The following ARHGAP6 variants were observed in gnomAD, a reference collection of about 807,000 sequenced individuals.
ARHGAP6 encodes the protein rho GTPase-activating protein 6.
A neutral mutation model predicts 55.7 loss-of-function variants in ARHGAP6; 16 were observed. The ratio of observed to expected loss-of-function variants is 0.29; its 90% CI spans 0.19 to 0.44. The LOEUF (loss-of-function observed/expected upper bound fraction) is 0.44. Among genes scored for constraint, ARHGAP6 ranks in the 20% least tolerant of loss-of-function variants. The probability of loss-of-function intolerance (pLI) is 1.00; values close to 1 mark genes in which losing one functional copy is unlikely to be tolerated. For missense variants in ARHGAP6, 698 were observed against 808.9 expected (o/e 0.86, Z 1.66); for synonymous variants, 382 against 360.9 (o/e 1.06, Z -0.66).
intron 1 of ARHGAP6, among the ~76,000 whole-genome samples, chrX:11,395,733 G>C (rs984138878): frequency 8.9e-6 from 1 of 112,318 alleles, no homozygotes; most frequent in Non-Finnish European, 1.9e-5. Flanking sequence ...AGCAAAGAGA[G>C]AAGGTGACTG....
intron 1 of ARHGAP6, among the ~76,000 whole-genome samples, chrX:11,458,697 A>C (rs2050216309): frequency 8.9e-6 from 1 of 112,139 alleles, no homozygotes; most frequent in Admixed American, 9.5e-5. Context: ...TCTTTTATTT[A>C]GCATGTATTT....
At chrX:11,555,623 T>C (rs1437721496) in intron 1 of ARHGAP6, among the ~76,000 whole-genome samples, 2 of 110,495 alleles carry the variant, frequency 1.8e-5, no homozygotes, top group Non-Finnish European at 3.8e-5. Flanking sequence ...GGAGTGGTGG[T>C]GGGCCCCCAG....
At chrX:11,357,600 C>CT (rs2048947623) in intron 1 of ARHGAP6, among the ~76,000 whole-genome samples, 1 of 111,331 alleles carries the variant, frequency 9.0e-6, no homozygotes, top group African/African-American at 3.3e-5. Flanking sequence ...AGATGTAGTA[C>CT]TTTTTTCTCC....
At chrX:11,238,254 C>A (rs902135361) in intron 2 of ARHGAP6, among the ~76,000 whole-genome samples, 1 of 112,526 alleles carries the variant, frequency 8.9e-6, no homozygotes, top group Non-Finnish European at 1.9e-5. Context: ...GACTTTGGGA[C>A]ACAATAGCAA....
intron 1 of ARHGAP6, among the ~76,000 whole-genome samples, chrX:11,500,971 AG>A (rs1459523691): frequency 9.0e-6 from 1 of 110,655 alleles, no homozygotes. Flanking sequence ...GTTGTTGGCA[AG>A]GTTTTGAAAC....
At chrX:11,515,269 A>G (rs1453022711) in intron 1 of ARHGAP6, among the ~76,000 whole-genome samples, 1 of 112,472 alleles carries the variant, frequency 8.9e-6, no homozygotes, top group Non-Finnish European at 1.9e-5. Flanking sequence ...CTTGGAAAGT[A>G]AAAGTATATA....
chrX:11,196,078 G>A (rs1393111703), intron 3 of ARHGAP6, among the ~76,000 whole-genome samples: 1 of 107,641 alleles, frequency 9.3e-6, no homozygotes, highest in African/African-American at 3.4e-5. Context: ...ACGTTGCAGT[G>A]AGCCAAGATC....
At chrX:11,523,024 A>C (rs1389977911) in intron 1 of ARHGAP6, among the ~76,000 whole-genome samples, 2 of 111,770 alleles carry the variant, frequency 1.8e-5, no homozygotes, top group Admixed American at 9.6e-5. Flanking sequence ...CACATCAAGA[A>C]GCTTCTCCAC....
intron 1 of ARHGAP6, among the ~76,000 whole-genome samples, chrX:11,327,017 G>T (rs1327957755): frequency 9.0e-6 from 1 of 111,563 alleles, no homozygotes; most frequent in Non-Finnish European, 1.9e-5. Flanking sequence ...AAATACAAAT[G>T]ACTTTATAAT....
intron 1 of ARHGAP6, among the ~76,000 whole-genome samples, chrX:11,401,730 C>T (rs762522597): frequency 9.0e-5 from 10 of 111,698 alleles, no homozygotes; most frequent in East Asian, 2.8e-4. Context: ...AGGATACTTA[C>T]GACCTGAACA....
At chrX:11,589,300 C>A (rs755682496) in intron 1 of ARHGAP6, among the ~76,000 whole-genome samples, 1 of 109,213 alleles carries the variant, frequency 9.2e-6, no homozygotes, top group African/African-American at 3.3e-5. Flanking sequence ...CCTCGGCCTC[C>A]CAAAGTGCTA....
At chrX:11,270,750 A>G (rs1446199970) in intron 1 of ARHGAP6, among the ~76,000 whole-genome samples, 1 of 111,991 alleles carries the variant, frequency 8.9e-6, no homozygotes, top group Non-Finnish European at 1.9e-5. Flanking sequence ...AAGCGAGTCT[A>G]GGCAGCAATA....
At chrX:11,390,999 G>A (rs184381621) in intron 1 of ARHGAP6, among the ~76,000 whole-genome samples, 5 of 111,906 alleles carry the variant, frequency 4.5e-5, no homozygotes, top group Admixed American at 2.8e-4. Context: ...ATGCTGCTAT[G>A]AAGACACATG....
intron 1 of ARHGAP6, among the ~76,000 whole-genome samples, chrX:11,493,962 T>C (rs1024369326): frequency 2.8e-5 from 3 of 108,551 alleles, no homozygotes; most frequent in Non-Finnish European, 3.8e-5. Context: ...GCCTCCCAAG[T>C]AGCTGGCACT....
At chrX:11,153,603 T>A (rs1207653277) in intron 10 of ARHGAP6, among the ~76,000 whole-genome samples, 1 of 103,230 alleles carries the variant, frequency 9.7e-6, no homozygotes, top group African/African-American at 3.5e-5. Flanking sequence ...AAAAGACCAC[T>A]AAAAGTAAAC....
chrX:11,660,885 G>A (rs1255857811), intron 1 of ARHGAP6, among the ~76,000 whole-genome samples: 1 of 111,026 alleles, frequency 9.0e-6, no homozygotes, highest in Non-Finnish European at 1.9e-5. Context: ...GCCCCCCAAA[G>A]CACAGTGAAT....
At chrX:11,177,106 A>G (rs889925161) in intron 8 of ARHGAP6, among the ~76,000 whole-genome samples, 1 of 111,777 alleles carries the variant, frequency 8.9e-6, no homozygotes, top group Non-Finnish European at 1.9e-5. Flanking sequence ...GCCCCTTCTT[A>G]TTGATTTACA....
At chrX:11,168,281 G>A (rs935827365) in intron 9 of ARHGAP6, among the ~76,000 whole-genome samples, 4 of 112,429 alleles carry the variant, frequency 3.6e-5, no homozygotes, top group Non-Finnish European at 7.5e-5. Context: ...GAGGCAGCAC[G>A]TGTTACCCAA....
At chrX:11,584,951 G>A (rs1017457441) in intron 1 of ARHGAP6, among the ~76,000 whole-genome samples, 1 of 111,755 alleles carries the variant, frequency 8.9e-6, no homozygotes, top group Non-Finnish European at 1.9e-5. Context: ...CCTCAGAAAG[G>A]CCTCAGTGCC....
Sources: allele counts gnomAD v4.1 joint callset (sites outside exome capture counted in the v4.1 genomes callset), GRCh38; gene constraint gnomAD v4.1.1; transcripts MANE v1.5; gene names NCBI Gene and HGNC (gene_info 2026-07-23, HGNC 2026-07-21).